Variants in TAFA5 observed in about 807,000 individuals in gnomAD.
TAFA5 encodes chemokine-like protein TAFA-5.
A neutral mutation model predicts 15.3 loss-of-function variants in TAFA5; 6 were observed. That is an observed-to-expected ratio of 0.39 (90% CI 0.21 to 0.77). The LOEUF (loss-of-function observed/expected upper bound fraction) is 0.77, where lower values mean the gene tolerates loss of function less well. Ranked by LOEUF, TAFA5 falls within the 30% of genes least tolerant of loss-of-function variation. The pLI, the probability that TAFA5 is intolerant of heterozygous loss-of-function variation, is 0.41. For missense variants in TAFA5, 161 were observed against 193.1 expected (o/e 0.83, Z 0.98); for synonymous variants, 103 against 80.7 (o/e 1.28, Z -1.48).
intron 2 of TAFA5, among the ~76,000 whole-genome samples, chr22:48,688,088 T>G (rs1372804089): frequency 6.9e-6 from 1 of 145,264 alleles, no homozygotes; most frequent in African/African-American, 2.5e-5. Flanking sequence ...TATTGTTTTT[T>G]TGTGTGTTTT....
chr22:48,710,930 G>A (rs944085347), intron 3 of TAFA5, among the ~76,000 whole-genome samples: 1 of 152,206 alleles, frequency 6.6e-6, no homozygotes, highest in Non-Finnish European at 1.5e-5. Context: ...GAAGTCCAGG[G>A]AGGTGGGATT....
At chr22:48,632,017 C>G (rs1227141102) in intron 1 of TAFA5, among the ~76,000 whole-genome samples, 2 of 152,194 alleles carry the variant, frequency 1.3e-5, no homozygotes, top group African/African-American at 2.4e-5. Flanking sequence ...ATCCTGTGTT[C>G]CTTCATCACG....
chr22:48,704,076 T>C (rs4925446), intron 2 of TAFA5, among the ~76,000 whole-genome samples: 48,690 of 152,036 alleles, frequency 0.32, 8,443 homozygotes, highest in African/African-American at 0.45. Context: ...AAAGACTACC[T>C]TGGGCGCCAT....
At chr22:48,623,568 C>T (rs9617409) in intron 1 of TAFA5, among the ~76,000 whole-genome samples, 29,497 of 152,104 alleles carry the variant, frequency 0.19, 3,202 homozygotes, top group African/African-American at 0.26. Flanking sequence ...AGGAAGGGGG[C>T]GGCTCATCGC....
At chr22:48,665,121 G>A (rs2147217245) in intron 2 of TAFA5, among the ~76,000 whole-genome samples, 1 of 152,310 alleles carries the variant, frequency 6.6e-6, no homozygotes, top group East Asian at 1.9e-4. Context: ...CCATTTTGCT[G>A]AGCCTACGGT....
chr22:48,544,674 T>G (rs1472720851), intron 1 of TAFA5: 1 of 471,308 alleles, frequency 2.1e-6, no homozygotes, highest in Non-Finnish European at 4.4e-6. Flanking sequence ...GCACTCACTC[T>G]GGACTTGCTG....
At chr22:48,693,582 C>T (rs577778683) in intron 2 of TAFA5, among the ~76,000 whole-genome samples, 27 of 152,278 alleles carry the variant, frequency 1.8e-4, no homozygotes, top group Admixed American at 4.6e-4. Flanking sequence ...ACCCCTGGTC[C>T]GGCTCTGGGC....
chr22:48,504,050 A>G (rs1159411544), intron 1 of TAFA5, among the ~76,000 whole-genome samples: 1 of 152,184 alleles, frequency 6.6e-6, no homozygotes, highest in East Asian at 1.9e-4. Flanking sequence ...CTCAACACCC[A>G]GTTGCTCACT....
chr22:48,569,116 T>C (rs1256763979), intron 1 of TAFA5, among the ~76,000 whole-genome samples: 1 of 151,920 alleles, frequency 6.6e-6, no homozygotes, highest in African/African-American at 2.4e-5. Context: ...GCCTCCCCTC[T>C]CTGGTGCCTG....
chr22:48,615,190 G>T (rs1925554313), intron 1 of TAFA5, among the ~76,000 whole-genome samples: 1 of 152,198 alleles, frequency 6.6e-6, no homozygotes, highest in Non-Finnish European at 1.5e-5. Context: ...CCAGGTGAGA[G>T]AGCTGCGTTG....
At chr22:48,515,718 G>A (rs943888130) in intron 1 of TAFA5, among the ~76,000 whole-genome samples, 7 of 152,336 alleles carry the variant, frequency 4.6e-5, no homozygotes, top group East Asian at 1.9e-4. Flanking sequence ...GGCTCCAGGC[G>A]GGACGGGGAG....
At chr22:48,689,301 G>T (rs1196320989) in intron 2 of TAFA5, among the ~76,000 whole-genome samples, 1 of 152,148 alleles carries the variant, frequency 6.6e-6, no homozygotes, top group East Asian at 1.9e-4. Flanking sequence ...CCACCCCAGA[G>T]ATGGGGCGCC....
At chr22:48,647,118 C>T (rs1262408097) in intron 2 of TAFA5, among the ~76,000 whole-genome samples, 2 of 152,156 alleles carry the variant, frequency 1.3e-5, no homozygotes, top group Non-Finnish European at 1.5e-5. Context: ...CCATCGTCTG[C>T]GTGTGGTCTG....
intron 1 of TAFA5, among the ~76,000 whole-genome samples, chr22:48,568,085 C>T (rs998985709): frequency 4.6e-5 from 7 of 152,310 alleles, no homozygotes; most frequent in African/African-American, 7.2e-5. Flanking sequence ...AAAATAAATG[C>T]GAGTAAAACA....
At chr22:48,723,467 C>T (rs1377598336) in intron 3 of TAFA5, among the ~76,000 whole-genome samples, 1 of 152,184 alleles carries the variant, frequency 6.6e-6, no homozygotes, top group Non-Finnish European at 1.5e-5. Context: ...GGTCCCTTCG[C>T]ATATCACCTC....
At chr22:48,669,774 C>T (rs1481310821) in intron 2 of TAFA5, among the ~76,000 whole-genome samples, 4 of 152,228 alleles carry the variant, frequency 2.6e-5, no homozygotes, top group Non-Finnish European at 4.4e-5. Context: ...TTCCCAGCCC[C>T]ATGTTGCCCA....
chr22:48,641,628 T>A, intron 1 of TAFA5, among the ~76,000 whole-genome samples: 1 of 65,350 alleles, frequency 1.5e-5, no homozygotes, highest in African/African-American at 5.9e-5. Flanking sequence ...ACACCCTCCC[T>A]TCCCCCCCGC....
At chr22:48,744,017 G>C (rs1306379100) in intron 3 of TAFA5, among the ~76,000 whole-genome samples, 1 of 152,202 alleles carries the variant, frequency 6.6e-6, no homozygotes, top group African/African-American at 2.4e-5. Flanking sequence ...CCTAGGGCTG[G>C]GTTTGCCGTC....
At chr22:48,605,851 G>T (rs1406169598) in intron 1 of TAFA5, among the ~76,000 whole-genome samples, 1 of 152,176 alleles carries the variant, frequency 6.6e-6, no homozygotes, top group Non-Finnish European at 1.5e-5. Flanking sequence ...GGGATGCCTG[G>T]TGCTAATCCT....
Sources: gnomAD v4.1 joint callset for allele counts (sites outside exome capture counted in the v4.1 genomes callset) on GRCh38, gnomAD v4.1.1 for gene constraint, MANE v1.5 for transcripts, NCBI Gene and HGNC (gene_info 2026-07-23, HGNC 2026-07-21) for gene names.